KHDRBS2: variants seen among roughly 807,000 people sequenced by gnomAD.
KHDRBS2 encodes the protein KH domain-containing, RNA-binding, signal transduction-associated protein 2.
A neutral mutation model predicts 44.3 loss-of-function variants in KHDRBS2; 26 were observed. The observed-to-expected ratio is 0.59, with a 90% CI of 0.43 to 0.81. KHDRBS2 has a LOEUF of 0.81. KHDRBS2 is among the 40% of genes least tolerant of loss of function. The probability of loss-of-function intolerance (pLI) is 0.00; values close to 1 mark genes in which losing one functional copy is unlikely to be tolerated. For missense variants in KHDRBS2, 476 were observed against 433.1 expected (o/e 1.10, Z -0.88); for synonymous variants, 194 against 151.1 (o/e 1.28, Z -2.08).
chr6:61,938,705 G>T (rs957010965), intron 4 of KHDRBS2, among the ~76,000 whole-genome samples: 1 of 152,036 alleles, frequency 6.6e-6, no homozygotes, highest in African/African-American at 2.4e-5. Context: ...ACCAACAGAG[G>T]CAGTTTAATG....
At chr6:61,705,710 G>C (rs1769408196) in intron 7 of KHDRBS2, among the ~76,000 whole-genome samples, 1 of 151,742 alleles carries the variant, frequency 6.6e-6, no homozygotes, top group Non-Finnish European at 1.5e-5. Context: ...ACATTTAACT[G>C]TCCTGCTCTT....
intron 2 of KHDRBS2, among the ~76,000 whole-genome samples, chr6:62,108,422 G>A (rs1031942492): frequency 2.0e-5 from 3 of 152,110 alleles, no homozygotes; most frequent in Non-Finnish European, 4.4e-5. Context: ...AGTTAGAATG[G>A]CGATCATTAA....
At chr6:61,893,138 A>C (rs769879131) in intron 6 of KHDRBS2, among the ~76,000 whole-genome samples, 1 of 152,244 alleles carries the variant, frequency 6.6e-6, no homozygotes, top group Non-Finnish European at 1.5e-5. Flanking sequence ...GCCAAAAGAC[A>C]CATGAAAAAA....
At chr6:61,686,193 C>T (rs535920272) in intron 8 of KHDRBS2, among the ~76,000 whole-genome samples, 34 of 151,760 alleles carry the variant, frequency 2.2e-4, no homozygotes, top group East Asian at 5.9e-4. Flanking sequence ...CACAGCAAAA[C>T]GAAGGAAGCT....
chr6:62,261,166 CCTTTA>C (rs1202835670), intron 1 of KHDRBS2, among the ~76,000 whole-genome samples: 2 of 151,848 alleles, frequency 1.3e-5, no homozygotes, highest in Non-Finnish European at 2.9e-5. Flanking sequence ...TAATTTTACT[CCTTTA>C]CTTAAGATCT....
chr6:62,225,471 T>C (rs2150155229), intron 1 of KHDRBS2, among the ~76,000 whole-genome samples: 1 of 152,314 alleles, frequency 6.6e-6, no homozygotes, highest in South Asian at 2.1e-4. Context: ...ATGATTATGA[T>C]ATCAATTTGG....
the KHDRBS2 span, among the ~76,000 whole-genome samples, chr6:61,602,265 C>T: frequency 1.3e-5 from 2 of 152,130 alleles, no homozygotes; most frequent in Non-Finnish European, 1.5e-5. Flanking sequence ...TTCCTTGCCT[C>T]CACTGTGAGA....
rs370693821 is a variant in KHDRBS2 at position 61,697,222 on chromosome 6, C to T, written c.925G>A (p.Val309Ile). The T allele has an allele frequency of 1.2e-6, 2 of 1,610,252 alleles. No individual in the cohort carries two copies. Among genetic ancestry groups the T allele is most frequent in the Non-Finnish European group, 1.7e-6 (2 of 1,176,610 alleles). ...VPEYYDYGHGVSEDAYDSYAP... is the reference protein window; with the variant it reads ...VPEYYDYGHGISEDAYDSYAP... ...TAGCTGTCATAGGCATCCTCACTTA[C>T]TCCATGACCGTAGTCATAGTATTCA... is the stretch of plus-strand genomic sequence containing the variant. The change falls in exon 8 of 9, where the codon GTA (valine) becomes ATA (isoleucine). Residue 309 changes from valine to isoleucine, a missense_variant. Coordinates refer to ENST00000281156, the MANE Select transcript of KHDRBS2 (RefSeq NM_152688.4).
chr6:61,825,693 T>A (rs1790741484), intron 6 of KHDRBS2, among the ~76,000 whole-genome samples: 1 of 152,202 alleles, frequency 6.6e-6, no homozygotes, highest in South Asian at 2.1e-4. Flanking sequence ...CACATTATAA[T>A]GGCTAGGAAC....
Position 61,955,696 on chromosome 6 carries a change from GTGTATATATACACA to G in KHDRBS2, c.483+22356_483+22369del, listed in dbSNP as rs1209635977. On this transcript the variant is annotated intron_variant, in intron 4 of 8. Coordinates refer to ENST00000281156, the MANE Select transcript of KHDRBS2 (RefSeq NM_152688.4). ...TACACATATGTATGTATACATATAT[GTGTATATATACACA>G]TATGTATGTATACATATATAGACAG... Among the ~76,000 whole-genome samples, 30 of 110,722 alleles carry G rather than the reference GTGTATATATACACA, an allele frequency of 2.7e-4. 1 individual carries two copies. The highest frequency in any genetic ancestry group is 5.6e-3 in the Middle Eastern group (1 of 178). The allele number at this position is 110,722 out of a possible 152,430, so 72.6% of individuals were successfully genotyped here.
chr6:61,888,763 G>T (rs1387094038), intron 6 of KHDRBS2, among the ~76,000 whole-genome samples: 1 of 151,766 alleles, frequency 6.6e-6, no homozygotes, highest in East Asian at 2.0e-4. Flanking sequence ...GGGTTTCACC[G>T]TGTTAACCAG....
At chr6:61,752,676 A>AC (rs1356969074) in intron 6 of KHDRBS2, among the ~76,000 whole-genome samples, 1 of 106,190 alleles carries the variant, frequency 9.4e-6, no homozygotes, top group Non-Finnish European at 1.8e-5. Context: ...GTATACAAAA[A>AC]AAAAAAAAAA....
intron 6 of KHDRBS2, among the ~76,000 whole-genome samples, chr6:61,889,493 C>A (rs1398558761): frequency 3.3e-5 from 5 of 151,724 alleles, no homozygotes; most frequent in African/African-American, 1.2e-4. Flanking sequence ...TTACTCCTCT[C>A]TCTTTCACAC....
At chr6:61,638,572 A>G in the KHDRBS2 span, among the ~76,000 whole-genome samples, 1 of 152,130 alleles carries the variant, frequency 6.6e-6, no homozygotes, top group African/African-American at 2.4e-5. Context: ...AAACCTAGGC[A>G]TTACCATTCA....
At chr6:61,836,031 G>A (rs761667423) in intron 6 of KHDRBS2, among the ~76,000 whole-genome samples, 2 of 151,820 alleles carry the variant, frequency 1.3e-5, no homozygotes, top group African/African-American at 4.8e-5. Flanking sequence ...ATTTTGAAGC[G>A]ACAAAATGAG....
chr6:61,968,686 T>C (rs763106106), intron 4 of KHDRBS2, among the ~76,000 whole-genome samples: 1 of 152,008 alleles, frequency 6.6e-6, no homozygotes, highest in Non-Finnish European at 1.5e-5. Context: ...CACCTGCAAG[T>C]TACTTATTTA....
At chr6:61,637,768 A>G in the KHDRBS2 span, among the ~76,000 whole-genome samples, 1 of 152,084 alleles carries the variant, frequency 6.6e-6, no homozygotes, top group South Asian at 2.1e-4. Context: ...TTTGATTTGC[A>G]TTTCTCTGAT....
chr6:61,578,949 G>A, the KHDRBS2 span, among the ~76,000 whole-genome samples: 2 of 152,102 alleles, frequency 1.3e-5, no homozygotes, highest in Non-Finnish European at 2.9e-5. Context: ...GGCCCAGGAG[G>A]AAGTTTGGTA....
the KHDRBS2 span, among the ~76,000 whole-genome samples, chr6:61,638,659 A>T: frequency 3.3e-5 from 5 of 152,190 alleles, no homozygotes; most frequent in African/African-American, 1.2e-4. Flanking sequence ...GACTTTGATA[A>T]TTGAGCTGTC....
Sources: gnomAD v4.1 joint callset for allele counts (sites outside exome capture counted in the v4.1 genomes callset) on GRCh38, gnomAD v4.1.1 for gene constraint, MANE v1.5 for transcripts, NCBI Gene and HGNC (gene_info 2026-07-23, HGNC 2026-07-21) for gene names.